Variants in GRID2 observed in about 807,000 individuals in gnomAD.
The protein encoded by GRID2 is glutamate ionotropic receptor delta type subunit 2.
In GRID2, 33 loss-of-function variants were observed where a neutral mutation model predicts 114.8. The ratio of observed to expected loss-of-function variants is 0.29; its 90% CI spans 0.22 to 0.38. The LOEUF is 0.38. Among genes scored for constraint, GRID2 ranks in the 10% least tolerant of loss-of-function variants. GRID2 has a pLI of 1.00. For missense variants in GRID2, 1,184 were observed against 1,257.7 expected (o/e 0.94, Z 0.89); for synonymous variants, 505 against 449.9 (o/e 1.12, Z -1.55).
At chr4:93,237,455 A>T (rs1188131642) in intron 7 of GRID2, among the ~76,000 whole-genome samples, 2 of 151,936 alleles carry the variant, frequency 1.3e-5, no homozygotes, top group South Asian at 2.1e-4. Flanking sequence ...ACGGAGTTGC[A>T]GGTTATGTCA....
intron 1 of GRID2, among the ~76,000 whole-genome samples, chr4:92,582,753 T>G (rs1466491837): frequency 1.3e-5 from 2 of 151,924 alleles, no homozygotes; most frequent in South Asian, 2.1e-4. Flanking sequence ...GTATAGTTTC[T>G]CAAGTGAGGA....
At chr4:92,966,636 G>A (rs1227367058) in intron 2 of GRID2, among the ~76,000 whole-genome samples, 1 of 151,938 alleles carries the variant, frequency 6.6e-6, no homozygotes, top group East Asian at 1.9e-4. Context: ...TTCATAAATA[G>A]GAGTTCCCCT....
intron 1 of GRID2, among the ~76,000 whole-genome samples, chr4:92,561,858 T>C (rs1727118867): frequency 1.3e-5 from 2 of 152,188 alleles, no homozygotes; most frequent in Non-Finnish European, 1.5e-5. Flanking sequence ...GCTGAAACTG[T>C]CTTATCATTA....
intron 2 of GRID2, among the ~76,000 whole-genome samples, chr4:92,877,770 C>A (rs1295353510): frequency 6.6e-6 from 1 of 152,098 alleles, no homozygotes; most frequent in African/African-American, 2.4e-5. Flanking sequence ...TATGCCACAC[C>A]TTTAGGGACA....
At chr4:93,006,832 GAAAA>G (rs1011248737) in intron 2 of GRID2, among the ~76,000 whole-genome samples, 6 of 142,800 alleles carry the variant, frequency 4.2e-5, no homozygotes, top group Non-Finnish European at 7.7e-5. Flanking sequence ...TTTATAGAAA[GAAAA>G]AAAAACAGAC....
intron 14 of GRID2, among the ~76,000 whole-genome samples, chr4:93,721,592 T>C (rs1466144136): frequency 6.6e-6 from 1 of 152,178 alleles, no homozygotes; most frequent in Non-Finnish European, 1.5e-5. Flanking sequence ...GTCAAATTGT[T>C]ATAATAATGG....
At chr4:93,335,918 C>T (rs536524043) in intron 8 of GRID2, among the ~76,000 whole-genome samples, 3 of 152,088 alleles carry the variant, frequency 2.0e-5, no homozygotes, top group Non-Finnish European at 4.4e-5. Flanking sequence ...TTAAACTGGG[C>T]TCAAGCGATC....
intron 2 of GRID2, among the ~76,000 whole-genome samples, chr4:93,031,040 T>C (rs2149257616): frequency 6.8e-6 from 1 of 146,100 alleles, no homozygotes; most frequent in Admixed American, 6.8e-5. Flanking sequence ...CCATTTTTTT[T>C]TTTTTTTTTT....
At chr4:92,475,926 A>G (rs1310111123) in intron 1 of GRID2, among the ~76,000 whole-genome samples, 1 of 150,878 alleles carries the variant, frequency 6.6e-6, no homozygotes, top group African/African-American at 2.4e-5. Context: ...ACTTTATTTT[A>G]TTGTAGATAT....
At chr4:93,167,007 G>A (rs7661752) in intron 4 of GRID2, among the ~76,000 whole-genome samples, 101,030 of 151,976 alleles carry the variant, frequency 0.66, 35,967 homozygotes, top group African/African-American at 0.92. Flanking sequence ...TACCACTACA[G>A]TTAATGGGAG....
chr4:92,618,201 G>A (rs890496956), intron 2 of GRID2, among the ~76,000 whole-genome samples: 2 of 151,658 alleles, frequency 1.3e-5, no homozygotes, highest in African/African-American at 4.8e-5. Flanking sequence ...GAAAGGTGGA[G>A]GATCTAGTTT....
At chr4:93,755,315 T>C (rs1732649962) in intron 14 of GRID2, among the ~76,000 whole-genome samples, 1 of 152,228 alleles carries the variant, frequency 6.6e-6, no homozygotes, top group Non-Finnish European at 1.5e-5. Flanking sequence ...TGGAATAGAC[T>C]AATTCCCAGC....
intron 2 of GRID2, among the ~76,000 whole-genome samples, chr4:93,075,602 A>G (rs1461931924): frequency 6.6e-6 from 1 of 152,192 alleles, no homozygotes; most frequent in Non-Finnish European, 1.5e-5. Context: ...AGAAGAAGTG[A>G]GTTTAAGAAA....
chr4:93,542,901 G>A (rs1732793850), intron 13 of GRID2, among the ~76,000 whole-genome samples: 1 of 151,984 alleles, frequency 6.6e-6, no homozygotes. Flanking sequence ...CTTTCTTCCT[G>A]AAGCCATGCT....
At chr4:92,998,684 G>A (rs1755352219) in intron 2 of GRID2, among the ~76,000 whole-genome samples, 1 of 151,078 alleles carries the variant, frequency 6.6e-6, no homozygotes, top group Admixed American at 6.6e-5. Context: ...GCTCTTGTCA[G>A]ATTTTTTTTT....
At chr4:92,962,040 C>T (rs1157156112) in intron 2 of GRID2, among the ~76,000 whole-genome samples, 1 of 151,822 alleles carries the variant, frequency 6.6e-6, no homozygotes, top group African/African-American at 2.4e-5. Flanking sequence ...ATTTCCGTCT[C>T]TCTGCCTACA....
chr4:92,585,423 G>T (rs987398515), intron 1 of GRID2, among the ~76,000 whole-genome samples: 1 of 151,800 alleles, frequency 6.6e-6, no homozygotes, highest in East Asian at 1.9e-4. Flanking sequence ...ATAAAGATCA[G>T]CTATCTTTGA....
chr4:93,465,186 AT>A, intron 11 of GRID2, among the ~76,000 whole-genome samples: 1 of 152,326 alleles, frequency 6.6e-6, no homozygotes, highest in Non-Finnish European at 1.5e-5. Context: ...ATATCCTGCT[AT>A]TTAGCGTACT....
intron 14 of GRID2, among the ~76,000 whole-genome samples, chr4:93,664,270 T>G (rs1723759896): frequency 6.6e-6 from 1 of 152,188 alleles, no homozygotes; most frequent in African/African-American, 2.4e-5. Context: ...ATTTACAACT[T>G]TAATAGCCAG....
Sources: allele counts gnomAD v4.1 joint callset (sites outside exome capture counted in the v4.1 genomes callset), GRCh38; gene constraint gnomAD v4.1.1; transcripts MANE v1.5; gene names NCBI Gene and HGNC (gene_info 2026-07-23, HGNC 2026-07-21).